PLEKHM1: variants seen among roughly 807,000 people sequenced by gnomAD.
The protein encoded by PLEKHM1 is pleckstrin homology and RUN domain containing M1, also known as pleckstrin homology domain-containing family M member 1.
A neutral mutation model predicts 94.3 loss-of-function variants in PLEKHM1; 28 were observed. That is an observed-to-expected ratio of 0.30 (90% CI 0.22 to 0.41). The LOEUF (loss-of-function observed/expected upper bound fraction) is 0.41, where lower values mean the gene tolerates loss of function less well. Ranked by LOEUF, PLEKHM1 falls within the 10% of genes least tolerant of loss-of-function variation. The pLI is 1.00. For synonymous variants in PLEKHM1, 424 were observed against 581.2 expected (o/e 0.73, Z 3.89); for missense variants, 907 against 1,358.6 (o/e 0.67, Z 5.22).
chr17:45,485,736 TA>T (rs555791249), intron 1 of PLEKHM1, among the ~76,000 whole-genome samples: 13 of 129,750 alleles, frequency 1.0e-4, no homozygotes, highest in Non-Finnish European at 1.3e-4. Context: ...TATCTCTAAT[TA>T]AAAAAAAAAA....
intron 9 of PLEKHM1, among the ~76,000 whole-genome samples, chr17:45,441,984 C>G (rs201669314): frequency 6.6e-6 from 1 of 152,124 alleles, no homozygotes; most frequent in Non-Finnish European, 1.5e-5. Context: ...ATCCGGGGGA[C>G]ATGGGTGGGG....
chr17:45,454,766 T>G (rs912711692), intron 6 of PLEKHM1: 3 of 247,892 alleles, frequency 1.2e-5, no homozygotes, highest in African/African-American at 6.6e-5. Context: ...CTCGTCTCCA[T>G]GCACTTCCCT....
intron 1 of PLEKHM1, among the ~76,000 whole-genome samples, chr17:45,489,813 T>G (rs1037826536): frequency 3.3e-5 from 5 of 152,048 alleles, no homozygotes; most frequent in African/African-American, 1.2e-4. Flanking sequence ...GGGAGTTGGG[T>G]CGAGGGAAGC....
intron 1 of PLEKHM1, among the ~76,000 whole-genome samples, chr17:45,489,232 C>G (rs1197509719): frequency 6.6e-6 from 1 of 152,220 alleles, no homozygotes; most frequent in East Asian, 1.9e-4. Flanking sequence ...CCAGGACCTA[C>G]TCACCTATAC....
intron 6 of PLEKHM1, chr17:45,454,857 G>A (rs971219280): frequency 6.0e-5 from 11 of 183,162 alleles, no homozygotes; most frequent in East Asian, 3.8e-4. Context: ...GGCCGGAAGC[G>A]GTGGCTCATG....
chr17:45,452,728 G>A (rs570630682), intron 7 of PLEKHM1: 46 of 160,172 alleles, frequency 2.9e-4, no homozygotes, highest in African/African-American at 1.1e-3. Context: ...CCAAGTTGTG[G>A]AACAATATAT....
In PLEKHM1 at chr17:45,453,256, A is replaced by G. The variant is rs1320234629; in HGVS notation, c.2497+99T>C. 1 of 1,126,578 alleles carries G rather than the reference A, an allele frequency of 8.9e-7. No homozygotes were observed. The highest frequency in any genetic ancestry group is 1.5e-5 in the African/African-American group (1 of 64,928). 69.8% of individuals were successfully genotyped at this position (1,126,578 alleles called of 1,614,324 possible). On this transcript the variant is annotated intron_variant, in intron 7 of 11. Coordinates refer to ENST00000430334, the MANE Select transcript of PLEKHM1 (RefSeq NM_014798.3). This position sits in a 1 kb window ranked among gnomAD's most constrained non-coding sequence, Gnocchi z 4.1. The stretch of plus-strand genomic sequence containing the variant: ...TCATCCCTAGGGGAAGGATGGGGGC[A>G]TTTGCGGGGAGGCAGAAGGGTGGGG...
At position 45,453,314 on chromosome 17, in the gene PLEKHM1, G is replaced by A; in HGVS notation, c.2497+41C>T. 1.3e-6 allele frequency: 2 copies of A among 1,594,860 alleles called. No homozygotes were observed. The highest frequency in any genetic ancestry group is 1.7e-4 in the Middle Eastern group (1 of 6,004). On this transcript the variant is annotated intron_variant, in intron 7 of 11. Transcript: ENST00000430334. This position sits in a 1 kb window ranked among gnomAD's most constrained non-coding sequence, Gnocchi z 4.1. ...ATCAGGAACCAGCAGGAGGTGGAGT[G>A]AGGCTGGCAGGCTGGGGGTGGCAGC... is the stretch of plus-strand genomic sequence containing the variant.
chr17:45,449,225 C>CAGCTGG (rs761481306), intron 8 of PLEKHM1, among the ~76,000 whole-genome samples: 1 of 146,038 alleles, frequency 6.8e-6, no homozygotes. Flanking sequence ...AAGGTATAGC[C>CAGCTGG]CTGGCCAGCC....
At chr17:45,460,284 G>C (rs2051113681) in intron 5 of PLEKHM1, 1 of 152,098 alleles carries the variant, frequency 6.6e-6, no homozygotes, top group South Asian at 2.1e-4. Flanking sequence ...TTTTGAGACA[G>C]AACCTCACTC....
intron 4 of PLEKHM1, among the ~76,000 whole-genome samples, chr17:45,469,766 C>A (rs1220692332): frequency 2.0e-5 from 3 of 152,170 alleles, no homozygotes; most frequent in Admixed American, 6.6e-5. Context: ...GGTGGCCAAT[C>A]CATACATGTA....
At chr17:45,480,379 G>T (rs1423688302) in intron 2 of PLEKHM1, among the ~76,000 whole-genome samples, 1 of 152,104 alleles carries the variant, frequency 6.6e-6, no homozygotes, top group Non-Finnish European at 1.5e-5. Context: ...AGCTACTTGG[G>T]AGGCAGAGGC....
At chr17:45,458,565 G>C (rs1183859322) in intron 5 of PLEKHM1, 126 bp from the exon 6 acceptor site, 1 of 895,508 alleles carries the variant, frequency 1.1e-6, no homozygotes, top group Non-Finnish European at 1.8e-6. Context: ...CTGACTCCTG[G>C]GTTCAAGCGA....
At chr17:45,439,292 G>A (rs760987282) in intron 11 of PLEKHM1, among the ~76,000 whole-genome samples, 185 bp downstream of exon 11, 1 of 152,258 alleles carries the variant, frequency 6.6e-6, no homozygotes, top group Non-Finnish European at 1.5e-5. Flanking sequence ...CTGGACTGGA[G>A]CTGGCCATGA....
chr17:45,457,221 G>GCAGAT (rs2050986023), intron 6 of PLEKHM1, among the ~76,000 whole-genome samples: 1 of 144,426 alleles, frequency 6.9e-6, no homozygotes, highest in South Asian at 2.2e-4. Context: ...TAAACAAATA[G>GCAGAT]CAGATCCTCC....
rs1332835402 is a variant in PLEKHM1 at position 45,436,149 on chromosome 17, C to A, written c.*1709G>T. 2.2e-6 allele frequency: 1 copy of A among 455,928 alleles called. No individual in the cohort carries two copies. The highest frequency in any genetic ancestry group is 3.7e-4 in the Middle Eastern group (1 of 2,700). 28.2% of individuals were successfully genotyped at this position (455,928 alleles called of 1,614,324 possible). ...CCCCCCAGGGCCTCAAACCTGCTGC[C>A]TCCGAGGGCACCTTCGGGGAGAATC... On this transcript the variant is annotated 3_prime_UTR_variant, in exon 12 of 12. Transcript: ENST00000430334.
Position 45,439,515 on chromosome 17 carries a change from G to C in PLEKHM1, c.3021C>G (p.His1007Gln), listed in dbSNP as rs200462947. ...CAAACTCAAAGGGGAAGATGATGTC[G>C]TGGTGCTGGCAGATCTGGCAGATGA... ...RGFICQICQH[H>Q]DIIFPFEFDT... Residue 1007 changes from histidine (H) to glutamine (Q), a missense_variant, in exon 11 of 12, where the codon CAC becomes CAG. Transcript: ENST00000430334. The C allele has an allele frequency of 3.1e-6, 5 of 1,614,130 alleles. No individual in the cohort carries two copies. The highest frequency in any genetic ancestry group is 4.2e-6 in the Non-Finnish European group (5 of 1,180,054).
chr17:45,437,287 G>C lies in PLEKHM1; in HGVS notation c.*571C>G. ...CAGTGAGGGCCAAGGAAAGGCACTG[G>C]GTGGGCCCATAGACCCTGTCCCAGC... On this transcript the variant is annotated 3_prime_UTR_variant, in exon 12 of 12. Coordinates refer to ENST00000430334, the MANE Select transcript of PLEKHM1 (RefSeq NM_014798.3). This position sits in a 1 kb window ranked among gnomAD's most constrained non-coding sequence, Gnocchi z 4.0. 1 of 454,130 alleles carries C rather than the reference G, an allele frequency of 2.2e-6. No homozygotes were observed. Among genetic ancestry groups the C allele is most frequent in the South Asian group, 1.6e-5 (1 of 64,478 alleles). 28.1% of individuals were successfully genotyped at this position (454,130 alleles called of 1,614,324 possible). A position where few individuals can be genotyped will look rare whatever the true frequency, so the allele number is the denominator to read the frequency against.
chr17:45,474,250 G>C (rs1329920932), intron 4 of PLEKHM1, among the ~76,000 whole-genome samples: 1 of 151,812 alleles, frequency 6.6e-6, no homozygotes, highest in Non-Finnish European at 1.5e-5. Context: ...GTAGAGACGG[G>C]GTTTCACCAT....
Sources: gnomAD v4.1 joint callset for allele counts (sites outside exome capture counted in the v4.1 genomes callset) on GRCh38, gnomAD v4.1.1 for gene constraint, Gnocchi (gnomAD v3.1) non-coding constraint, MANE v1.5 for transcripts, NCBI Gene and HGNC (gene_info 2026-07-23, HGNC 2026-07-21) for gene names.